SLC39A11: variants seen among roughly 807,000 people sequenced by gnomAD.
SLC39A11 encodes the protein zinc transporter ZIP11.
In SLC39A11, 33 loss-of-function variants were observed where a neutral mutation model predicts 36.1. The observed-to-expected ratio is 0.91, with a 90% CI of 0.69 to 1.22. SLC39A11 has a LOEUF of 1.22. SLC39A11 is among the 50% of genes most tolerant of loss of function. The pLI, the probability that SLC39A11 is intolerant of heterozygous loss-of-function variation, is 0.00. For missense variants in SLC39A11, 432 were observed against 430.3 expected (o/e 1.00, Z -0.03); for synonymous variants, 166 against 170.3 (o/e 0.97, Z 0.20).
chr17:73,078,548 G>A (rs182108786), intron 3 of SLC39A11, among the ~76,000 whole-genome samples: 112 of 151,404 alleles, frequency 7.4e-4, no homozygotes, highest in African/African-American at 2.5e-3. Context: ...GTGCAATGGC[G>A]CAATCTCGGC....
chr17:72,686,947 A>T (rs1168731474), intron 7 of SLC39A11, among the ~76,000 whole-genome samples: 2 of 152,222 alleles, frequency 1.3e-5, no homozygotes, highest in African/African-American at 4.8e-5. Flanking sequence ...GACTCCCAAG[A>T]GGCTTCCGAA....
chr17:73,047,965 T>A, intron 3 of SLC39A11, among the ~76,000 whole-genome samples: 4 of 8,738 alleles, frequency 4.6e-4, no homozygotes, highest in African/African-American at 5.2e-4. Flanking sequence ...AGACTCCATC[T>A]CAAAAAAAAA....
chr17:72,871,355 C>A (rs553915522), intron 5 of SLC39A11, among the ~76,000 whole-genome samples: 28 of 152,246 alleles, frequency 1.8e-4, no homozygotes, highest in Admixed American at 1.5e-3. Flanking sequence ...AGCCACTGCA[C>A]CCGGCCTATA....
At chr17:72,898,278 C>T (rs1363125508) in intron 5 of SLC39A11, among the ~76,000 whole-genome samples, 1 of 152,176 alleles carries the variant, frequency 6.6e-6, no homozygotes, top group East Asian at 1.9e-4. Flanking sequence ...ACTGGGAGCT[C>T]CTCAAGGGGC....
chr17:72,819,185 G>A (rs2077684895), intron 6 of SLC39A11, among the ~76,000 whole-genome samples: 3 of 142,778 alleles, frequency 2.1e-5, no homozygotes, highest in Non-Finnish European at 3.3e-5. Context: ...AATGGAGTAG[G>A]GTGGGCCCTT....
Position 72,877,550 on chromosome 17 carries a change from C to T in SLC39A11, c.431-27746G>A, listed in dbSNP as rs183615590. On this transcript the variant is annotated intron_variant, in intron 5 of 9. Coordinates refer to ENST00000255559, the MANE Select transcript of SLC39A11 (RefSeq NM_139177.4). ...GATTGAAACCTACCAATTACTTTTCCCCCCATTTGCTCATGAGAGGTAATC... is the reference window on the plus strand; with the variant it reads ...GATTGAAACCTACCAATTACTTTTCTCCCCATTTGCTCATGAGAGGTAATC... Among the ~76,000 whole-genome samples, 5 of 152,252 alleles carry T rather than the reference C, an allele frequency of 3.3e-5. No homozygotes were observed. The East Asian group carries it at 7.7e-4, about 24-fold the overall frequency.
At chr17:72,937,092 A>G (rs928425800) in intron 5 of SLC39A11, among the ~76,000 whole-genome samples, 1 of 152,154 alleles carries the variant, frequency 6.6e-6, no homozygotes, top group African/African-American at 2.4e-5. Context: ...TGGTCAGCTG[A>G]TATCCTTCTC....
intron 3 of SLC39A11, among the ~76,000 whole-genome samples, chr17:73,071,158 T>C (rs527572455): frequency 6.6e-6 from 1 of 152,178 alleles, no homozygotes; most frequent in Non-Finnish European, 1.5e-5. Flanking sequence ...CAGAGAACTC[T>C]TTGGAAGTGA....
intron 4 of SLC39A11, among the ~76,000 whole-genome samples, chr17:72,989,067 A>G (rs972193554): frequency 2.0e-5 from 3 of 152,216 alleles, no homozygotes; most frequent in African/African-American, 7.2e-5. Flanking sequence ...AAAGATGAGG[A>G]AGTTCTAGAA....
intron 4 of SLC39A11, among the ~76,000 whole-genome samples, chr17:73,018,784 A>G (rs1384033043): frequency 6.6e-6 from 1 of 152,138 alleles, no homozygotes; most frequent in East Asian, 1.9e-4. Context: ...TACCCTGTCC[A>G]GCATACAATA....
chr17:72,757,317 A>G (rs1336238058), intron 6 of SLC39A11, among the ~76,000 whole-genome samples: 8 of 152,204 alleles, frequency 5.3e-5, no homozygotes, highest in African/African-American at 1.9e-4. Context: ...GAGCCAGGAC[A>G]TGAATTTGAC....
intron 5 of SLC39A11, among the ~76,000 whole-genome samples, chr17:72,859,731 T>G (rs2079854038): frequency 6.7e-6 from 1 of 149,370 alleles, no homozygotes; most frequent in Non-Finnish European, 1.5e-5. Context: ...CATAGAAAGA[T>G]AACTAAAATA....
intron 3 of SLC39A11, among the ~76,000 whole-genome samples, chr17:73,069,034 G>A (rs915750475): frequency 3.3e-5 from 5 of 151,972 alleles, no homozygotes; most frequent in African/African-American, 9.7e-5. Context: ...CCAACCAAAC[G>A]AATAACTATG....
intron 6 of SLC39A11, chr17:72,839,060 G>C (rs2078693763): frequency 6.6e-6 from 1 of 152,214 alleles, no homozygotes; most frequent in Admixed American, 6.5e-5. Flanking sequence ...TTAAGACTTA[G>C]GAATTCTTTA....
intron 6 of SLC39A11, among the ~76,000 whole-genome samples, chr17:72,738,957 C>A (rs931368630): frequency 1.3e-5 from 2 of 152,108 alleles, no homozygotes; most frequent in Non-Finnish European, 2.9e-5. Flanking sequence ...AAGTGCTCAC[C>A]TGTGATGCAC....
Position 72,647,676 on chromosome 17 carries a change from A to G in SLC39A11, c.930-14T>C. On this transcript the variant is annotated splice_polypyrimidine_tract_variant and intron_variant, in intron 9 of 9. Coordinates refer to ENST00000255559, the MANE Select transcript of SLC39A11 (RefSeq NM_139177.4). ...TTCCCATTACCACTGGAAGAGAAGG[A>G]CAGGAAGAAAAGTAAGACCTTAATG... The G allele has an allele frequency of 6.2e-7, 1 of 1,612,282 alleles. No individual in the cohort carries two copies. The highest frequency in any genetic ancestry group is 8.5e-7 in the Non-Finnish European group (1 of 1,178,636).
At chr17:73,047,652 G>A (rs2059340430) in intron 3 of SLC39A11, among the ~76,000 whole-genome samples, 1 of 151,800 alleles carries the variant, frequency 6.6e-6, no homozygotes, top group Non-Finnish European at 1.5e-5. Context: ...CCCAGCCAGT[G>A]TGGCACTTAA....
intron 7 of SLC39A11, among the ~76,000 whole-genome samples, chr17:72,651,900 C>T (rs11871247): frequency 0.42 from 63,807 of 151,944 alleles, 13,587 homozygotes; most frequent in African/African-American, 0.49. Flanking sequence ...GCATTTCCCA[C>T]GAGTCTACCC....
chr17:72,951,261 C>CAA lies in SLC39A11; in HGVS notation c.307-3388_307-3387dup, dbSNP rs61453793. On this transcript the variant is annotated intron_variant, in intron 4 of 9. Coordinates refer to ENST00000255559, the MANE Select transcript of SLC39A11 (RefSeq NM_139177.4). ...TGGGCAACGGAGAGTGACCCTGTTG[C>CAA]AAAAAAAAAAAAAAAAAGCCAGCAA... Among the ~76,000 whole-genome samples the CAA allele has an allele frequency of 5.7e-4, 50 of 86,980 alleles. 2 individuals are homozygous for CAA. The highest frequency in any genetic ancestry group is 1.5e-3 in the African/African-American group (33 of 22,450). 57.1% of individuals were successfully genotyped at this position (86,980 alleles called of 152,430 possible). A position where few individuals can be genotyped will look rare whatever the true frequency, so the allele number is the denominator to read the frequency against.
Sources: gnomAD v4.1 joint callset for allele counts (sites outside exome capture counted in the v4.1 genomes callset) on GRCh38, gnomAD v4.1.1 for gene constraint, MANE v1.5 for transcripts, NCBI Gene and HGNC (gene_info 2026-07-23, HGNC 2026-07-21) for gene names.